Variants in MKLN1 observed in about 807,000 individuals in gnomAD.
MKLN1 encodes the protein muskelin.
Under a neutral mutation model 99.0 loss-of-function variants are expected in MKLN1, and 18 were observed. That is an observed-to-expected ratio of 0.18 (90% CI 0.13 to 0.27). The LOEUF is 0.27. Ranked by LOEUF, MKLN1 falls within the 10% of genes least tolerant of loss-of-function variation. The pLI is 1.00. For missense variants in MKLN1, 621 were observed against 875.9 expected, an observed-to-expected ratio of 0.71 and a Z score of 3.67; for synonymous variants, 288 against 293.2, an observed-to-expected ratio of 0.98 and a Z score of 0.18.
At chr7:131,241,598 C>A (rs898236341) in intron 3 of MKLN1, among the ~76,000 whole-genome samples, 4 of 152,096 alleles carry the variant, frequency 2.6e-5, no homozygotes, top group Non-Finnish European at 2.9e-5. Flanking sequence ...GTCCCAGTTG[C>A]TAAGGAAGCT....
chr7:131,154,077 T>C (rs1029152047), intron 2 of MKLN1, among the ~76,000 whole-genome samples: 1 of 152,282 alleles, frequency 6.6e-6, no homozygotes, highest in Non-Finnish European at 1.5e-5. Flanking sequence ...AAGGGATATA[T>C]ATGTAAATGT....
chr7:131,180,842 A>G, intron 2 of MKLN1, among the ~76,000 whole-genome samples: 1 of 152,218 alleles, frequency 6.6e-6, no homozygotes, highest in East Asian at 1.9e-4. Flanking sequence ...CATAAATCTT[A>G]GAATAATTCC....
chr7:131,424,003 A>G (rs1584727662), intron 8 of MKLN1, among the ~76,000 whole-genome samples: 1 of 152,340 alleles, frequency 6.6e-6, no homozygotes, highest in Non-Finnish European at 1.5e-5. Context: ...CTGCTGGGTC[A>G]TGATACTTCA....
intron 3 of MKLN1, among the ~76,000 whole-genome samples, chr7:131,249,501 G>C (rs1797544653): frequency 6.6e-6 from 1 of 152,182 alleles, no homozygotes; most frequent in Non-Finnish European, 1.5e-5. Context: ...TTATACAACA[G>C]ACATTTGACC....
At chr7:131,419,253 T>TG (rs1563338850) in intron 8 of MKLN1, among the ~76,000 whole-genome samples, 6 of 38,862 alleles carry the variant, frequency 1.5e-4, no homozygotes, top group African/African-American at 3.8e-4. Context: ...TATATTTTTG[T>TG]TTTTTTTTTT....
At chr7:131,152,618 G>C (rs527489657) in intron 2 of MKLN1, among the ~76,000 whole-genome samples, 23 of 150,998 alleles carry the variant, frequency 1.5e-4, no homozygotes, top group Non-Finnish European at 3.4e-4. Flanking sequence ...TCCTGCCTTA[G>C]CCTCCCGAGT....
intron 1 of MKLN1, among the ~76,000 whole-genome samples, chr7:131,357,346 T>C (rs577286703): frequency 3.1e-4 from 47 of 152,242 alleles, no homozygotes; most frequent in African/African-American, 9.6e-4. Flanking sequence ...AGGAATATAT[T>C]GTAAGCATGC....
At chr7:131,445,994 A>T in intron 12 of MKLN1, 91 bp downstream of exon 12, 1 of 862,834 alleles carries the variant, frequency 1.2e-6, no homozygotes, top group Non-Finnish European at 1.7e-6. Flanking sequence ...ATCATTTTTC[A>T]CCCTTTCTTT....
intron 1 of MKLN1, among the ~76,000 whole-genome samples, chr7:131,339,258 A>G (rs1377009683): frequency 6.6e-6 from 1 of 152,228 alleles, no homozygotes; most frequent in East Asian, 1.9e-4. Flanking sequence ...ATTTGTTAGC[A>G]GTTGTTTTAT....
intron 17 of MKLN1, 129 bp downstream of exon 17, chr7:131,478,806 T>A: frequency 8.7e-7 from 1 of 1,148,658 alleles, no homozygotes; most frequent in Non-Finnish European, 1.3e-6. Context: ...AGTTTCAAGG[T>A]ATCATGCAAA....
chr7:131,470,679 T>C (rs925192028), intron 15 of MKLN1, among the ~76,000 whole-genome samples, 163 bp from the exon 16 acceptor site: 3 of 152,260 alleles, frequency 2.0e-5, no homozygotes, highest in Admixed American at 6.5e-5. Context: ...CTACACTATC[T>C]ACCTGGCAGT....
At chr7:131,192,153 AC>A (rs1796562785) in intron 2 of MKLN1, among the ~76,000 whole-genome samples, 1 of 122,186 alleles carries the variant, frequency 8.2e-6, no homozygotes, top group African/African-American at 3.3e-5. Flanking sequence ...ACGTATATAT[AC>A]ATATATACTT....
At chr7:131,260,902 C>T (rs1424167831) in intron 3 of MKLN1, among the ~76,000 whole-genome samples, 1 of 102,976 alleles carries the variant, frequency 9.7e-6, no homozygotes, top group African/African-American at 2.7e-5. Flanking sequence ...GAAAGGATTC[C>T]CTGTTCAATA....
chr7:131,117,701 G>C (rs1018598378), intron 1 of MKLN1, among the ~76,000 whole-genome samples: 7 of 152,226 alleles, frequency 4.6e-5, no homozygotes, highest in African/African-American at 1.7e-4. Context: ...AGAATGAGCA[G>C]ATGTGGAGAG....
At chr7:131,347,290 T>C (rs947436517) in intron 1 of MKLN1, among the ~76,000 whole-genome samples, 5 of 152,202 alleles carry the variant, frequency 3.3e-5, no homozygotes, top group Non-Finnish European at 7.3e-5. Flanking sequence ...AGTGCAAAAG[T>C]ATCCATAATT....
intron 12 of MKLN1, among the ~76,000 whole-genome samples, chr7:131,448,853 C>A (rs916330196): frequency 1.3e-5 from 2 of 152,202 alleles, no homozygotes; most frequent in African/African-American, 4.8e-5. Context: ...CATCTACTAG[C>A]ATCTAAGTTT....
At chr7:131,195,513 A>AT (rs1796630113) in intron 2 of MKLN1, among the ~76,000 whole-genome samples, 1 of 152,148 alleles carries the variant, frequency 6.6e-6, no homozygotes, top group Admixed American at 6.5e-5. Flanking sequence ...TGTCTAAAAA[A>AT]AAAATAAAAA....
At chr7:131,276,031 G>A (rs188204660) in intron 3 of MKLN1, among the ~76,000 whole-genome samples, 1 of 152,308 alleles carries the variant, frequency 6.6e-6, no homozygotes, top group African/African-American at 2.4e-5. Flanking sequence ...GAAGAAGGGA[G>A]GTGCTAGACT....
intron 1 of MKLN1, among the ~76,000 whole-genome samples, chr7:131,337,299 T>G (rs1799275868): frequency 6.6e-6 from 1 of 152,192 alleles, no homozygotes; most frequent in African/African-American, 2.4e-5. Context: ...ATATTGTTTC[T>G]GCCCCATTTT....
Sources: gnomAD v4.1 joint callset for allele counts (sites outside exome capture counted in the v4.1 genomes callset) on GRCh38, gnomAD v4.1.1 for gene constraint, MANE v1.5 for transcripts, NCBI Gene and HGNC (gene_info 2026-07-23, HGNC 2026-07-21) for gene names.